Variants in FUBP1 observed in about 807,000 individuals in gnomAD.
FUBP1 encodes far upstream element binding protein 1.
FUBP1 carries 16 observed loss-of-function variants against 94.9 expected under a neutral mutation model. The observed-to-expected ratio is 0.17, with a 90% CI of 0.11 to 0.26. The LOEUF (loss-of-function observed/expected upper bound fraction) is 0.26, where lower values mean the gene tolerates loss of function less well. Ranked by LOEUF, FUBP1 falls within the 10% of genes least tolerant of loss-of-function variation. FUBP1 has a pLI of 1.00. For missense variants in FUBP1, 583 were observed against 808.6 expected (o/e 0.72, Z 3.38); for synonymous variants, 279 against 254.9 (o/e 1.09, Z -0.90).
chr1:77,965,093 C>T lies in FUBP1; in HGVS notation c.612G>A (p.Gly204=). The change falls in exon 8 of 20, where the codon GGG becomes GGA. Residue 204 remains glycine (G), a synonymous_variant. Coordinates refer to ENST00000370768, the MANE Select transcript of FUBP1 (RefSeq NM_003902.5). The part of the protein sequence containing the change: ...ASKAGLVIGK[G]GETIKQLQER... ...CCTGAAGCTGTTTAATAGTTTCTCCCCCTTTTCCAATGACTAATCCTGCCT... is the reference window on the plus strand; with the variant it reads ...CCTGAAGCTGTTTAATAGTTTCTCCTCCTTTTCCAATGACTAATCCTGCCT... 2 of 1,612,010 alleles carry T rather than the reference C, an allele frequency of 1.2e-6. No homozygotes were observed. Among genetic ancestry groups the T allele is most frequent in the Non-Finnish European group, 1.7e-6 (2 of 1,178,222 alleles).
In FUBP1 at chr1:77,946,622, T is replaced by C. The variant is rs144418237; in HGVS notation, c.*2144A>G. The C allele has an allele frequency of 4.4e-5, 9 of 203,818 alleles. No individual in the cohort carries two copies. The East Asian group carries it at 6.8e-4, about 15-fold the overall frequency. The allele number at this position is 203,818 out of a possible 1,614,324, so 12.6% of individuals were successfully genotyped here. A position where few individuals can be genotyped will look rare whatever the true frequency, so the allele number is the denominator to read the frequency against. ...CACTGTTTGCAATTAATAAAGATTT[T>C]AAACCTTAAATGAATCAAAATCAAC... On this transcript the variant is annotated 3_prime_UTR_variant, in exon 20 of 20. Transcript: ENST00000370768.
intron 12 of FUBP1, 30 bp from the exon 13 acceptor site, chr1:77,963,745 G>A (rs1358331138): frequency 6.4e-7 from 1 of 1,563,562 alleles, no homozygotes; most frequent in South Asian, 1.2e-5. Context: ...AGAACGAAGA[G>A]TCAGCACAGA....
At position 77,947,936 on chromosome 1, in the gene FUBP1, GA is replaced by G. The variant is rs1652511764; in HGVS notation, c.*829del. Reference sequence around the variant, plus strand: ...TACATTGAAAGAGTTGCTTCACATGGAAAAAAACTGTTCTTATTAGACTACT... The same window carrying G: ...TACATTGAAAGAGTTGCTTCACATGGAAAAAACTGTTCTTATTAGACTACT... On this transcript the variant is annotated 3_prime_UTR_variant, in exon 20 of 20. Coordinates refer to ENST00000370768, the MANE Select transcript of FUBP1 (RefSeq NM_003902.5). 3.0e-6 allele frequency: 3 copies of G among 999,094 alleles called. No individual in the cohort carries two copies. The highest frequency in any genetic ancestry group is 3.7e-6 in the Non-Finnish European group (3 of 814,948). The allele number at this position is 999,094 out of a possible 1,614,324, so 61.9% of individuals were successfully genotyped here.
At position 77,944,577 on chromosome 1, in the gene FUBP1, A is replaced by G. The variant is rs1651762584; in HGVS notation, c.*4189T>C. Among the ~76,000 whole-genome samples, 1 of 151,936 alleles carries G rather than the reference A, an allele frequency of 6.6e-6. No homozygotes were observed. The highest frequency in any genetic ancestry group is 2.1e-4 in the South Asian group (1 of 4,832). On this transcript the variant is annotated 3_prime_UTR_variant, in exon 20 of 20. Coordinates refer to ENST00000370768, the MANE Select transcript of FUBP1 (RefSeq NM_003902.5). The stretch of plus-strand genomic sequence containing the variant: ...GGCAGAGTTTGCAGAAAATAAAAAC[A>G]AGACATCCTCACTGATTAGTAAACT...
chr1:77,979,215 A>C (rs570130793), upstream of FUBP1: 2,911 of 555,046 alleles, frequency 5.2e-3, 21 homozygotes, highest in Middle Eastern at 0.019. Context: ...CGACAGGAAC[A>C]GAGACGTCGC....
At chr1:77,972,701 G>A (rs928886900) in intron 1 of FUBP1, among the ~76,000 whole-genome samples, 28 of 151,614 alleles carry the variant, frequency 1.8e-4, no homozygotes, top group African/African-American at 6.3e-4. Context: ...GGCAGAGGTC[G>A]CAGTGAGCCA....
rs949021020 is a variant in FUBP1, at chr1:77,946,312, TAA to T, written c.*2452_*2453del. ...TCTACTCATCATTTTCTTGTCTTAA[TAA>T]AAAAAAAAAAGTAAAATAAAAAACA... is the stretch of plus-strand genomic sequence containing the variant. On this transcript the variant is annotated 3_prime_UTR_variant, in exon 20 of 20. Coordinates refer to ENST00000370768, the MANE Select transcript of FUBP1 (RefSeq NM_003902.5). Among the ~76,000 whole-genome samples, 4 of 136,080 alleles carry T rather than the reference TAA, an allele frequency of 2.9e-5. No homozygotes were observed. The highest frequency in any genetic ancestry group is 6.5e-5 in the Non-Finnish European group (4 of 61,876). The allele number at this position is 136,080 out of a possible 152,430, so 89.3% of individuals were successfully genotyped here. A position where few individuals can be genotyped will look rare whatever the true frequency, so the allele number is the denominator to read the frequency against.
intron 1 of FUBP1, 41 bp downstream of exon 1, chr1:77,978,844 A>T (rs777788156): frequency 6.2e-7 from 1 of 1,612,732 alleles, no homozygotes; most frequent in Non-Finnish European, 8.5e-7. Context: ...GCGGCCAATT[A>T]CCGTGAGCTT....
chr1:77,964,511 A>G, intron 10 of FUBP1, 135 bp downstream of exon 10: 1 of 673,258 alleles, frequency 1.5e-6, no homozygotes. Context: ...AACAAGATAT[A>G]TAGAATTCTG....
rs540832894 is a variant in FUBP1, at chr1:77,948,599, G to A, written c.*167C>T. 7 of 1,078,518 alleles carry A rather than the reference G, an allele frequency of 6.5e-6. No individual in the cohort carries two copies. Among genetic ancestry groups the A allele is most frequent in the Admixed American group, 3.8e-5 (1 of 26,612 alleles). The allele number at this position is 1,078,518 out of a possible 1,614,324, so 66.8% of individuals were successfully genotyped here. ...ACACAGAAATATTAACCTCCTATCAGTAGTGATAGATATTTTGTACATTTT... is the reference window on the plus strand; with the variant it reads ...ACACAGAAATATTAACCTCCTATCAATAGTGATAGATATTTTGTACATTTT... On this transcript the variant is annotated 3_prime_UTR_variant, in exon 20 of 20. Coordinates refer to ENST00000370768, the MANE Select transcript of FUBP1 (RefSeq NM_003902.5).
chr1:77,966,813 T>C (rs1656588467), intron 6 of FUBP1, 62 bp from the exon 7 acceptor site: 9 of 1,262,546 alleles, frequency 7.1e-6, no homozygotes, highest in Admixed American at 1.9e-5. Flanking sequence ...TTATTGTTAC[T>C]AGAAGGCTTA....
upstream of FUBP1, chr1:77,979,324 G>A (rs1201761478): frequency 6.4e-6 from 2 of 314,662 alleles, no homozygotes; most frequent in Non-Finnish European, 1.2e-5. Context: ...CTGCAGGGTG[G>A]TGGGTGATAG....
intron 17 of FUBP1, among the ~76,000 whole-genome samples, chr1:77,955,676 T>C (rs1558031626): frequency 6.6e-6 from 1 of 152,194 alleles, no homozygotes. Context: ...CTGAAACGGA[T>C]GTGGTGATAT....
At chr1:77,962,196 C>T (rs947258511) in intron 14 of FUBP1, among the ~76,000 whole-genome samples, 1 of 152,136 alleles carries the variant, frequency 6.6e-6, no homozygotes, top group East Asian at 1.9e-4. Flanking sequence ...TTTGTCTGTG[C>T]ACCAGAATCA....
chr1:77,955,218 A>T lies in FUBP1; in HGVS notation c.1780+37T>A, dbSNP rs1654228635. Reference sequence around the variant, plus strand: ...GAAGAGAATAATTTGTTTCAATTTAATTAAGTATGTATTTTCAAGAAATGT... The same window carrying T: ...GAAGAGAATAATTTGTTTCAATTTATTTAAGTATGTATTTTCAAGAAATGT... On this transcript the variant is annotated intron_variant, in intron 18 of 19. Transcript: ENST00000370768. 7 of 859,434 alleles carry T rather than the reference A, an allele frequency of 8.1e-6. No homozygotes were observed. The South Asian group carries it at 9.7e-5, about 12-fold the overall frequency. 53.2% of individuals were successfully genotyped at this position (859,434 alleles called of 1,614,324 possible). A position where few individuals can be genotyped will look rare whatever the true frequency, so the allele number is the denominator to read the frequency against.
At chr1:77,952,116 A>G (rs1345848783) in intron 18 of FUBP1, among the ~76,000 whole-genome samples, 4 of 152,128 alleles carry the variant, frequency 2.6e-5, no homozygotes, top group Non-Finnish European at 5.9e-5. Flanking sequence ...AATCTTATCA[A>G]GATTTTCTCT....
At position 77,969,985 on chromosome 1, in the gene FUBP1, T is replaced by C. The variant is rs759014306; in HGVS notation, c.151A>G (p.Thr51Ala). The change falls in exon 2 of 20, where the codon ACA (threonine) becomes GCA (alanine). Residue 51 changes from threonine to alanine, a missense_variant. Coordinates refer to ENST00000370768, the MANE Select transcript of FUBP1 (RefSeq NM_003902.5). ...CCATAGTCATTTGAATTCAGTGATG[T>C]CCCTGCATCACCTCCAATTTTTGCT... ...IAAKIGGDAG[T>A]SLNSNDYGYG... The C allele has an allele frequency of 1.3e-6, 2 of 1,588,518 alleles. No individual in the cohort carries two copies. The highest frequency in any genetic ancestry group is 1.4e-5 in the African/African-American group (1 of 73,724).
chr1:77,963,987 G>A, intron 12 of FUBP1, 75 bp downstream of exon 12: 2 of 901,470 alleles, frequency 2.2e-6, no homozygotes, highest in East Asian at 2.4e-5. Flanking sequence ...CTGATATAGA[G>A]GTAACTTCAG....
At position 77,979,011 on chromosome 1, in the gene FUBP1, A is replaced by G. The variant is rs1324698295; in HGVS notation, c.-7T>C. The G allele has an allele frequency of 6.2e-7, 1 of 1,607,338 alleles. No homozygotes were observed. Among genetic ancestry groups the G allele is most frequent in the Non-Finnish European group, 8.5e-7 (1 of 1,175,254 alleles). On this transcript the variant is annotated 5_prime_UTR_variant, in exon 1 of 20. Coordinates refer to ENST00000370768, the MANE Select transcript of FUBP1 (RefSeq NM_003902.5). ...CTGTTGAATAGTCTGCCATGGTTGC[A>G]CTATAAGAGCCGCTGCCGCCTGTTC...
Sources: gnomAD v4.1 joint callset for allele counts (sites outside exome capture counted in the v4.1 genomes callset) on GRCh38, gnomAD v4.1.1 for gene constraint, MANE v1.5 for transcripts, NCBI Gene and HGNC (gene_info 2026-07-23, HGNC 2026-07-21) for gene names.